ZBTB46: variants seen among roughly 807,000 people sequenced by gnomAD.
ZBTB46 encodes zinc finger and BTB domain containing 46, also known as zinc finger and BTB domain-containing protein 46.
Under a neutral mutation model 44.1 loss-of-function variants are expected in ZBTB46, and 8 were observed. That is an observed-to-expected ratio of 0.18 (90% CI 0.11 to 0.33). The LOEUF (loss-of-function observed/expected upper bound fraction) is 0.33, where lower values mean the gene tolerates loss of function less well. Ranked by LOEUF, ZBTB46 falls within the 10% of genes least tolerant of loss-of-function variation. ZBTB46 has a pLI of 1.00. For synonymous variants in ZBTB46, 409 were observed against 382.3 expected (o/e 1.07, Z -0.81); for missense variants, 651 against 847.7 (o/e 0.77, Z 2.88).
At chr20:63,789,591 G>A (rs561523075) in intron 2 of ZBTB46, among the ~76,000 whole-genome samples, 3 of 152,344 alleles carry the variant, frequency 2.0e-5, no homozygotes, top group South Asian at 2.1e-4. Flanking sequence ...CACCAGTGCC[G>A]TGCTGATGGG....
chr20:63,749,058 T>A (rs2092133477), intron 4 of ZBTB46, among the ~76,000 whole-genome samples: 1 of 152,222 alleles, frequency 6.6e-6, no homozygotes, highest in Admixed American at 6.5e-5. Context: ...ACCCGCTTCC[T>A]TGAGGGCAGA....
chr20:63,794,050 A>G (rs2092582083), intron 1 of ZBTB46, among the ~76,000 whole-genome samples: 1 of 151,940 alleles, frequency 6.6e-6, no homozygotes, highest in Non-Finnish European at 1.5e-5. Flanking sequence ...GCTGGGCGTG[A>G]TGGCGAGTGC....
chr20:63,793,760 C>A, intron 1 of ZBTB46, among the ~76,000 whole-genome samples: 1 of 76,318 alleles, frequency 1.3e-5, no homozygotes, highest in East Asian at 2.4e-4. Context: ...CACATAAGTT[C>A]AACTTAAATC....
intron 1 of ZBTB46, among the ~76,000 whole-genome samples, chr20:63,795,924 G>A (rs1568879826): frequency 1.3e-5 from 2 of 152,182 alleles, no homozygotes; most frequent in Admixed American, 6.5e-5. Context: ...AAGGTGACGG[G>A]TGTCCATCAT....
At chr20:63,758,672 C>T (rs2092246646) in intron 3 of ZBTB46, among the ~76,000 whole-genome samples, 1 of 152,134 alleles carries the variant, frequency 6.6e-6, no homozygotes, top group African/African-American at 2.4e-5. Flanking sequence ...TCACACACCC[C>T]TCTGCTGGGA....
rs139469180 is a variant in ZBTB46, at chr20:63,781,608, C to T, written c.938-5646G>A. On this transcript the variant is annotated intron_variant, in intron 2 of 4. Coordinates refer to ENST00000245663, the MANE Select transcript of ZBTB46 (RefSeq NM_001369741.1). ...GAGTTCGAGACCAGCCTGGCCAACACGGCCAAACCCCGTCTCTACTAAAAA... is the reference window on the plus strand; with the variant it reads ...GAGTTCGAGACCAGCCTGGCCAACATGGCCAAACCCCGTCTCTACTAAAAA... Among the ~76,000 whole-genome samples, 1,451 of 152,160 alleles carry T rather than the reference C, an allele frequency of 9.5e-3. 29 individuals carry two copies. The highest frequency in any genetic ancestry group is 0.034 in the African/African-American group (1,394 of 41,514).
Position 63,816,319 on chromosome 20 carries a change from T to C in ZBTB46, c.-34+14778A>G, listed in dbSNP as rs897430795. ...CATCTCTGCTCACCCTCAACATGACTCCCTCCCCACCCACCCCGTGTCTCT... is the reference window on the plus strand; with the variant it reads ...CATCTCTGCTCACCCTCAACATGACCCCCTCCCCACCCACCCCGTGTCTCT... On this transcript the variant is annotated intron_variant, in intron 1 of 4. Coordinates refer to ENST00000245663, the MANE Select transcript of ZBTB46 (RefSeq NM_001369741.1). 19 of 192,072 alleles carry C rather than the reference T, an allele frequency of 9.9e-5. No homozygotes were observed. The South Asian group carries it at 1.2e-3, about 12-fold the overall frequency. 11.9% of individuals were successfully genotyped at this position (192,072 alleles called of 1,614,324 possible).
intron 1 of ZBTB46, among the ~76,000 whole-genome samples, chr20:63,827,992 T>C (rs983616501): frequency 1.3e-5 from 2 of 152,240 alleles, no homozygotes; most frequent in Non-Finnish European, 2.9e-5. Context: ...ACAATCATAG[T>C]TCATTACAGC....
intron 3 of ZBTB46, among the ~76,000 whole-genome samples, chr20:63,766,157 G>C (rs1415071681): frequency 6.6e-6 from 1 of 150,488 alleles, no homozygotes; most frequent in Non-Finnish European, 1.5e-5. Context: ...CTTCTGTCAT[G>C]GTGCCCAGGT....
rs368838708 is a variant in ZBTB46, at chr20:63,785,224, C to CAAAA, written c.937+4593_937+4596dup. Among the ~76,000 whole-genome samples, 581 of 96,728 alleles carry CAAAA rather than the reference C, an allele frequency of 6.0e-3. 10 individuals carry two copies. The highest frequency in any genetic ancestry group is 9.2e-3 in the African/African-American group (219 of 23,778). The allele number at this position is 96,728 out of a possible 152,430, so 63.5% of individuals were successfully genotyped here. ...TCCAGCCCGGCAACAGAGCGAGACT[C>CAAAA]AAAAAAAAAAAAAAAGAAAAGAAAA... is the stretch of plus-strand genomic sequence containing the variant. On this transcript the variant is annotated intron_variant, in intron 2 of 4. Coordinates refer to ENST00000245663, the MANE Select transcript of ZBTB46 (RefSeq NM_001369741.1).
At chr20:63,750,600 C>G (rs1379257409) in intron 4 of ZBTB46, among the ~76,000 whole-genome samples, 2 of 151,948 alleles carry the variant, frequency 1.3e-5, no homozygotes, top group Non-Finnish European at 2.9e-5. Context: ...AATCATGAAC[C>G]CCAGGACAAA....
chr20:63,801,541 A>C (rs2092645139), intron 1 of ZBTB46, among the ~76,000 whole-genome samples: 1 of 152,162 alleles, frequency 6.6e-6, no homozygotes, highest in Non-Finnish European at 1.5e-5. Context: ...CATACATTGA[A>C]AGTGTTGTTC....
intron 1 of ZBTB46, among the ~76,000 whole-genome samples, chr20:63,814,634 G>A (rs2146046247): frequency 6.6e-6 from 1 of 152,234 alleles, no homozygotes; most frequent in South Asian, 2.1e-4. Context: ...CCAGAGGAGT[G>A]CAGCAAGCCT....
intron 2 of ZBTB46, among the ~76,000 whole-genome samples, chr20:63,785,204 C>T (rs1250191868): frequency 1.5e-5 from 2 of 132,848 alleles, no homozygotes; most frequent in African/African-American, 2.9e-5. Context: ...TGCACTCCAG[C>T]CCGGCAACAG....
Position 63,771,678 on chromosome 20 carries a change from G to A in ZBTB46, c.1222+4000C>T, listed in dbSNP as rs183206636. ...GGCTAAGGCTTCCCTGGACGCAGGC[G>A]CTGGTGTCCACGGTTTACTCCCGCG... is the stretch of plus-strand genomic sequence containing the variant. On this transcript the variant is annotated intron_variant, in intron 3 of 4. Transcript: ENST00000245663. Among the ~76,000 whole-genome samples, 509 of 152,304 alleles carry A rather than the reference G, an allele frequency of 3.3e-3. 2 individuals are homozygous for A. Among genetic ancestry groups the A allele is most frequent in the Non-Finnish European group, 5.6e-3 (384 of 68,028 alleles).
intron 1 of ZBTB46, among the ~76,000 whole-genome samples, chr20:63,792,272 T>A (rs1568875605): frequency 6.6e-6 from 1 of 152,138 alleles, no homozygotes; most frequent in Non-Finnish European, 1.5e-5. Flanking sequence ...AGTGGTTGGG[T>A]CTCTCCCGTT....
At chr20:63,828,207 G>A (rs6122194) in intron 1 of ZBTB46, among the ~76,000 whole-genome samples, 1 of 152,242 alleles carries the variant, frequency 6.6e-6, no homozygotes, top group Non-Finnish European at 1.5e-5. Context: ...GTATATGTGA[G>A]GCACTCAAAG....
At chr20:63,815,930 C>A (rs373210084) in intron 1 of ZBTB46, among the ~76,000 whole-genome samples, 1 of 132,812 alleles carries the variant, frequency 7.5e-6, no homozygotes, top group South Asian at 2.4e-4. Flanking sequence ...GGCACAGGTG[C>A]AGTGGGTGCA....
chr20:63,774,975 T>C (rs1004757415), intron 3 of ZBTB46, among the ~76,000 whole-genome samples: 4 of 152,092 alleles, frequency 2.6e-5, no homozygotes, highest in African/African-American at 7.2e-5. Context: ...AGTGCTGGGA[T>C]TGCAGGCGTG....
Sources: gnomAD v4.1 joint callset for allele counts (sites outside exome capture counted in the v4.1 genomes callset) on GRCh38, gnomAD v4.1.1 for gene constraint, MANE v1.5 for transcripts, NCBI Gene and HGNC (gene_info 2026-07-23, HGNC 2026-07-21) for gene names.